The following TRIM3 variants were observed in gnomAD, a reference collection of about 807,000 sequenced individuals.
TRIM3 encodes the protein tripartite motif-containing protein 3.
A neutral mutation model predicts 66.6 loss-of-function variants in TRIM3; 13 were observed. The observed-to-expected ratio is 0.20, with a 90% CI of 0.13 to 0.31. TRIM3 has a LOEUF of 0.31. TRIM3 is among the 10% of genes least tolerant of loss of function. The pLI is 1.00. For synonymous variants in TRIM3, 406 were observed against 411.7 expected, an observed-to-expected ratio of 0.99 and a Z score of 0.17; for missense variants, 711 against 1,020.4, an observed-to-expected ratio of 0.70 and a Z score of 4.13.
chr11:6,470,334 A>G (rs937011985), intron 1 of TRIM3, among the ~76,000 whole-genome samples: 2 of 152,088 alleles, frequency 1.3e-5, no homozygotes, highest in Non-Finnish European at 2.9e-5. Flanking sequence ...TTCTTTGGAA[A>G]CTCTCAAAGA....
intron 1 of TRIM3, among the ~76,000 whole-genome samples, chr11:6,473,531 CA>C (rs1357947215): frequency 1.2e-4 from 18 of 152,088 alleles, no homozygotes; most frequent in African/African-American, 4.3e-4. Context: ...CCAACACACA[CA>C]AGCTCCCAAA....
At chr11:6,454,582 G>A (rs942588725) in intron 7 of TRIM3, among the ~76,000 whole-genome samples, 1 of 152,140 alleles carries the variant, frequency 6.6e-6, no homozygotes. Flanking sequence ...AGGTGTAACT[G>A]AGTAGGGAAC....
chr11:6,464,016 G>T (rs1163703380), intron 2 of TRIM3, among the ~76,000 whole-genome samples: 1 of 152,286 alleles, frequency 6.6e-6, no homozygotes, highest in East Asian at 1.9e-4. Context: ...GGAAAAGTGC[G>T]GATAGAGGCA....
intron 2 of TRIM3, among the ~76,000 whole-genome samples, chr11:6,464,782 T>C (rs1230732538): frequency 6.6e-6 from 1 of 150,928 alleles, no homozygotes; most frequent in African/African-American, 2.4e-5. Flanking sequence ...AGTTCAGGAG[T>C]TCAAGAACAG....
rs1850034838 is a variant in TRIM3 at position 6,457,265 on chromosome 11, G to A, written c.696+31C>T. On this transcript the variant is annotated intron_variant, in intron 5 of 11. Transcript: ENST00000345851. The surrounding 1 kb of genome is among the most constrained non-coding windows in gnomAD (Gnocchi z 4.5). Reference sequence around the variant, plus strand: ...AGGCAATAACACCATCACAATGGACGATGGTAGGAAAGGGTGAACACAAGA... The same window carrying A: ...AGGCAATAACACCATCACAATGGACAATGGTAGGAAAGGGTGAACACAAGA... The A allele has an allele frequency of 5.0e-6, 8 of 1,610,010 alleles. No individual in the cohort carries two copies. The highest frequency in any genetic ancestry group is 4.4e-5 in the South Asian group (4 of 90,692).
chr11:6,463,772 G>A (rs1383571924), intron 2 of TRIM3, among the ~76,000 whole-genome samples: 8 of 152,338 alleles, frequency 5.3e-5, no homozygotes, highest in African/African-American at 1.9e-4. Flanking sequence ...GGTTGGGAGG[G>A]AGTGTTACTG....
chr11:6,469,890 G>A lies in TRIM3; in HGVS notation c.-38+3901C>T, dbSNP rs979919210. 3.9e-5 allele frequency among the ~76,000 whole-genome samples: 6 copies of A among 152,254 alleles called. No homozygotes were observed. In the South Asian group the frequency reaches 6.2e-4, roughly 16 times the overall value. On this transcript the variant is annotated intron_variant, in intron 1 of 11. Coordinates refer to ENST00000345851, the MANE Select transcript of TRIM3 (RefSeq NM_033278.4). Reference sequence around the variant, plus strand: ...TTTAGTAACTCCTAAAGAAAGTAACGTTCAAGCTGAGGATGAGTTACAGAG... The same window carrying A: ...TTTAGTAACTCCTAAAGAAAGTAACATTCAAGCTGAGGATGAGTTACAGAG...
At chr11:6,470,396 T>C (rs1850633493) in intron 1 of TRIM3, among the ~76,000 whole-genome samples, 1 of 152,152 alleles carries the variant, frequency 6.6e-6, no homozygotes, top group Non-Finnish European at 1.5e-5. Flanking sequence ...TTTTAAGGTT[T>C]TTTCAGTTTT....
At chr11:6,452,683 T>C (rs1849780555) in intron 7 of TRIM3, 1 of 152,214 alleles carries the variant, frequency 6.6e-6, no homozygotes, top group South Asian at 2.1e-4. Context: ...ACAGCACTCA[T>C]CAGTATGAGA....
rs1850070807 is a variant in TRIM3, at chr11:6,457,957, C to T, written c.363+108G>A. On this transcript the variant is annotated intron_variant, in intron 3 of 11. Coordinates refer to ENST00000345851, the MANE Select transcript of TRIM3 (RefSeq NM_033278.4). The surrounding 1 kb of genome is among the most constrained non-coding windows in gnomAD (Gnocchi z 4.5). ...TTCTAAGTGCACCCCCTACCTGGAC[C>T]ACTAATCCAGAGCAGTACCCTGTCA... The T allele has an allele frequency of 1.3e-6, 2 of 1,544,894 alleles. No individual in the cohort carries two copies. The highest frequency in any genetic ancestry group is 2.7e-5 in the African/African-American group (2 of 74,020).
chr11:6,471,050 C>T (rs1850670050), intron 1 of TRIM3, among the ~76,000 whole-genome samples: 1 of 152,160 alleles, frequency 6.6e-6, no homozygotes, highest in South Asian at 2.1e-4. Flanking sequence ...AAGCAAGAAG[C>T]TGATTGTGAA....
intron 1 of TRIM3, among the ~76,000 whole-genome samples, chr11:6,467,545 C>G (rs1241359178): frequency 1.3e-5 from 2 of 152,132 alleles, no homozygotes; most frequent in African/African-American, 4.8e-5. Context: ...GCAGGAAGAT[C>G]GTTTGAGCCC....
chr11:6,458,514 G>C lies in TRIM3; in HGVS notation c.132-218C>G, dbSNP rs117778770. Among the ~76,000 whole-genome samples the C allele has an allele frequency of 0.027, 4,098 of 152,266 alleles. 83 individuals are homozygous for C. Among genetic ancestry groups the C allele is most frequent in the Non-Finnish European group, 0.043 (2,930 of 68,024 alleles). On this transcript the variant is annotated intron_variant, in intron 2 of 11. Coordinates refer to ENST00000345851, the MANE Select transcript of TRIM3 (RefSeq NM_033278.4). The surrounding 1 kb of genome is among the most constrained non-coding windows in gnomAD (Gnocchi z 6.2). ...CACCCCGACCCCTCTCAGAAGAGCAGACTATCCACATTCCTCACAGTGTGC... is the reference window on the plus strand; with the variant it reads ...CACCCCGACCCCTCTCAGAAGAGCACACTATCCACATTCCTCACAGTGTGC...
rs766001275 is a variant in TRIM3 at position 6,450,594 on chromosome 11, T to C, written c.1898A>G (p.Lys633Arg). The C allele has an allele frequency of 1.2e-6, 2 of 1,614,130 alleles. No homozygotes were observed. The highest frequency in any genetic ancestry group is 1.7e-6 in the Non-Finnish European group (2 of 1,180,042). ...AGPHFVAVNN[K>R]NEIVVTDFHN... ...GAAGTCCGTTACTACAATTTCATTC[T>C]TGTTGTTCACAGCCACAAAATGGGG... The change falls in exon 10 of 12, where the codon AAG (lysine) becomes AGG (arginine). Residue 633 changes from lysine (K) to arginine (R), a missense_variant. By Grantham distance (26) the Lys-to-Arg change is conservative (BLOSUM62 2). Around this residue, in one of 3 missense-constraint regions of TRIM3, gnomAD observed 163 missense variants for 321.9 expected, o/e 0.51. Coordinates refer to ENST00000345851, the MANE Select transcript of TRIM3 (RefSeq NM_033278.4). This position sits in a 1 kb window ranked among gnomAD's most constrained non-coding sequence, Gnocchi z 4.8.
chr11:6,459,691 T>A (rs1419029481), intron 2 of TRIM3, among the ~76,000 whole-genome samples: 1 of 152,004 alleles, frequency 6.6e-6, no homozygotes, highest in Non-Finnish European at 1.5e-5. Context: ...TGGAAATAAA[T>A]TTGAGAAGTG....
chr11:6,452,243 C>T (rs1847499833), intron 7 of TRIM3: 1 of 152,294 alleles, frequency 6.6e-6, no homozygotes, highest in South Asian at 2.1e-4. Flanking sequence ...CCTTCTCCAA[C>T]CTCCTCTAAT....
chr11:6,473,666 C>T (rs898754206), intron 1 of TRIM3, 125 bp downstream of exon 1: 3 of 152,606 alleles, frequency 2.0e-5, no homozygotes, highest in African/African-American at 7.2e-5. Context: ...ATGGACACGC[C>T]TCACGTGGGC....
chr11:6,468,570 C>A (rs1200041682), intron 1 of TRIM3, among the ~76,000 whole-genome samples: 1 of 152,088 alleles, frequency 6.6e-6, no homozygotes, highest in East Asian at 1.9e-4. Flanking sequence ...CCAAAGAAAT[C>A]AACAGAACAG....
intron 1 of TRIM3, among the ~76,000 whole-genome samples, chr11:6,466,678 G>C (rs1412137564): frequency 1.3e-5 from 2 of 150,594 alleles, no homozygotes; most frequent in African/African-American, 4.9e-5. Context: ...CTCTGTCCTG[G>C]GATCCTTTTC....
Sources: gnomAD v4.1 joint callset for allele counts (sites outside exome capture counted in the v4.1 genomes callset) on GRCh38, gnomAD v4.1.1 for gene constraint, gnomAD v4.1.1 regional missense constraint, Gnocchi (gnomAD v3.1) non-coding constraint, MANE v1.5 for transcripts, NCBI Gene and HGNC (gene_info 2026-07-23, HGNC 2026-07-21) for gene names.